GFRA2: variants seen among roughly 807,000 people sequenced by gnomAD.
GFRA2 encodes GDNF family receptor alpha 2.
Under a neutral mutation model 48.3 loss-of-function variants are expected in GFRA2, and 17 were observed. The ratio of observed to expected loss-of-function variants is 0.35; its 90% confidence interval spans 0.24 to 0.53. The LOEUF (loss-of-function observed/expected upper bound fraction) is 0.53, where lower values mean the gene tolerates loss of function less well. Ranked by LOEUF, GFRA2 falls within the 20% of genes least tolerant of loss-of-function variation. The pLI is 0.93. For missense variants in GFRA2, 660 were observed against 637.3 expected (o/e 1.04, Z -0.38); for synonymous variants, 305 against 257.2 (o/e 1.19, Z -1.78).
intron 3 of GFRA2, among the ~76,000 whole-genome samples, chr8:21,772,099 T>G (rs1806464029): frequency 6.6e-6 from 1 of 152,114 alleles, no homozygotes; most frequent in Non-Finnish European, 1.5e-5. Flanking sequence ...CCATTTTCTG[T>G]GTGCCTTGAT....
rs1375749286 is a variant in GFRA2 at position 21,750,001 on chromosome 8, G to T, written c.794+587C>A. On this transcript the variant is annotated intron_variant, in intron 4 of 8. Transcript: ENST00000524240. The surrounding 1 kb of genome is among the most constrained non-coding windows in gnomAD (Gnocchi z 5.7). ...TCATTATTAGGAAGGTAGTTTTGGG[G>T]GGTATGCATGGTTATACTGAGCTGA... Among the ~76,000 whole-genome samples the T allele has an allele frequency of 2.0e-5, 3 of 151,958 alleles. No individual in the cohort carries two copies. The highest frequency in any genetic ancestry group is 1.5e-5 in the Non-Finnish European group (1 of 67,992).
In GFRA2 at chr8:21,750,585, C is replaced by T; in HGVS notation, c.794+3G>A. Reference sequence around the variant, plus strand: ...GCACCACCGGGGCTGCCGCGGCACTCACCGACACAGGTGGTCAGTCCGGCA... The same window carrying T: ...GCACCACCGGGGCTGCCGCGGCACTTACCGACACAGGTGGTCAGTCCGGCA... On this transcript the variant is annotated splice_donor_region_variant and intron_variant, in intron 4 of 8. Transcript: ENST00000524240. The surrounding 1 kb of genome is among the most constrained non-coding windows in gnomAD (Gnocchi z 5.7). 2 of 1,580,740 alleles carry T rather than the reference C, an allele frequency of 1.3e-6. No homozygotes were observed. Among genetic ancestry groups the T allele is most frequent in the Non-Finnish European group, 8.6e-7 (1 of 1,158,554 alleles).
chr8:21,701,682 G>C (rs947692445), intron 7 of GFRA2, among the ~76,000 whole-genome samples: 5 of 152,204 alleles, frequency 3.3e-5, no homozygotes, highest in African/African-American at 1.2e-4. Flanking sequence ...CATGTATCAT[G>C]TCACATACAG....
chr8:21,752,910 A>C (rs1805368302), intron 3 of GFRA2, among the ~76,000 whole-genome samples: 1 of 151,998 alleles, frequency 6.6e-6, no homozygotes, highest in Non-Finnish European at 1.5e-5. Context: ...GACACTTCTC[A>C]CCACCGCCAC....
At chr8:21,707,648 G>C (rs965629887) in intron 4 of GFRA2, among the ~76,000 whole-genome samples, 2 of 152,190 alleles carry the variant, frequency 1.3e-5, no homozygotes, top group African/African-American at 4.8e-5. Context: ...CTCACTGGGA[G>C]ACCATGCCCA....
At chr8:21,768,117 C>A (rs991809821) in intron 3 of GFRA2, among the ~76,000 whole-genome samples, 3 of 152,224 alleles carry the variant, frequency 2.0e-5, no homozygotes, top group Non-Finnish European at 4.4e-5. Flanking sequence ...GTCCACCTCT[C>A]CTCGTCTCCA....
chr8:21,704,583 C>T (rs1802646643), intron 6 of GFRA2, among the ~76,000 whole-genome samples: 1 of 152,242 alleles, frequency 6.6e-6, no homozygotes, highest in African/African-American at 2.4e-5. Context: ...TGGCTAACCT[C>T]TCTCTGGCTT....
chr8:21,785,198 T>C (rs2117082139), intron 1 of GFRA2, among the ~76,000 whole-genome samples: 1 of 152,306 alleles, frequency 6.6e-6, no homozygotes, highest in East Asian at 1.9e-4. Flanking sequence ...GGACGCTTTT[T>C]TTGCTTGTCC....
rs375487687 is a variant in GFRA2, at chr8:21,747,310, C to T, written c.794+3278G>A. Among the ~76,000 whole-genome samples, 20 of 152,290 alleles carry T rather than the reference C, an allele frequency of 1.3e-4. 1 individual carries two copies. The highest frequency in any genetic ancestry group is 8.3e-4 in the South Asian group (4 of 4,832). ...CAAGCCTCCCCTTTATCCCAGCATCCAGGAAGCTCGGAGCTCAAGTTCAGT... is the reference window on the plus strand; with the variant it reads ...CAAGCCTCCCCTTTATCCCAGCATCTAGGAAGCTCGGAGCTCAAGTTCAGT... On this transcript the variant is annotated intron_variant, in intron 4 of 8. Coordinates refer to ENST00000524240, the MANE Select transcript of GFRA2 (RefSeq NM_001495.5).
chr8:21,773,200 G>A (rs1806519966), intron 3 of GFRA2, among the ~76,000 whole-genome samples: 1 of 152,238 alleles, frequency 6.6e-6, no homozygotes, highest in African/African-American at 2.4e-5. Context: ...CCTTGGCCAA[G>A]ACTTACCGTA....
chr8:21,726,750 A>ATTTT (rs35319026), intron 4 of GFRA2, among the ~76,000 whole-genome samples: 1 of 113,120 alleles, frequency 8.8e-6, no homozygotes, highest in Non-Finnish European at 1.9e-5. Flanking sequence ...CAAACACCCT[A>ATTTT]TTTTTTTTTT....
chr8:21,730,732 T>C lies in GFRA2; in HGVS notation c.794+19856A>G, dbSNP rs557757754. ...CAACGCTGGCAGAATGGCCACAGAA[T>C]GTACAGCCCTCAAGGTCCCACCTCC... On this transcript the variant is annotated intron_variant, in intron 4 of 8. Coordinates refer to ENST00000524240, the MANE Select transcript of GFRA2 (RefSeq NM_001495.5). 1.1e-4 allele frequency among the ~76,000 whole-genome samples: 17 copies of C among 152,268 alleles called. No individual in the cohort carries two copies. In the East Asian group the frequency reaches 2.9e-3, roughly 26 times the overall value.
rs112252411 is a variant in GFRA2, at chr8:21,705,736, T to C, written c.904+196A>G. ...CCCTGGGGCCCTCCTTCCCCCATGA[T>C]AAAGAGCTAGGTCCTCCGCCTTGTT... is the stretch of plus-strand genomic sequence containing the variant. On this transcript the variant is annotated intron_variant, in intron 5 of 8. Coordinates refer to ENST00000524240, the MANE Select transcript of GFRA2 (RefSeq NM_001495.5). 9.9e-3 allele frequency among the ~76,000 whole-genome samples: 1,502 copies of C among 152,272 alleles called. 20 individuals carry two copies. The highest frequency in any genetic ancestry group is 0.017 in the Middle Eastern group (5 of 294).
At chr8:21,756,634 T>C (rs1333668164) in intron 3 of GFRA2, among the ~76,000 whole-genome samples, 3 of 152,146 alleles carry the variant, frequency 2.0e-5, no homozygotes, top group African/African-American at 4.8e-5. Context: ...GAGTTCCCAC[T>C]GGGAAGAAGA....
rs939602493 is a variant in GFRA2 at position 21,782,709 on chromosome 8, C to T, written c.231G>A (p.Glu77=). The change falls in exon 2 of 9, where the codon GAG becomes GAA. Residue 77 remains glutamate, a synonymous_variant. Transcript: ENST00000524240. ...GCAAGACCTCCAAGGCCGCCTGGCA[C>T]TCCTTGTTGGCCAGCATGGTGTTGC... ...RDRNTMLANK[E]CQAALEVLQE... 5 of 1,596,000 alleles carry T rather than the reference C, an allele frequency of 3.1e-6. No individual in the cohort carries two copies. Among genetic ancestry groups the T allele is most frequent in the Non-Finnish European group, 4.3e-6 (5 of 1,171,870 alleles).
chr8:21,713,015 C>CGAGGGA (rs1188812476), intron 4 of GFRA2, among the ~76,000 whole-genome samples: 2 of 117,902 alleles, frequency 1.7e-5, no homozygotes, highest in Admixed American at 1.0e-4. Flanking sequence ...GAGAGGGAGA[C>CGAGGGA]GAGGGAGAGG....
Position 21,784,422 on chromosome 8 carries a change from C to T in GFRA2, c.41-1523G>A, listed in dbSNP as rs1563265655. The T allele has an allele frequency of 6.8e-6, 3 of 441,548 alleles. No homozygotes were observed. The Admixed American group carries it at 7.1e-5, about 10-fold the overall frequency. The allele number at this position is 441,548 out of a possible 1,614,324, so 27.4% of individuals were successfully genotyped here. On this transcript the variant is annotated intron_variant, in intron 1 of 8. Coordinates refer to ENST00000524240, the MANE Select transcript of GFRA2 (RefSeq NM_001495.5). ...TAAAATCCTAGGCCAGAAGTCCCCTCCTCAATACCGCAGAATTCCCCATCC... is the reference window on the plus strand; with the variant it reads ...TAAAATCCTAGGCCAGAAGTCCCCTTCTCAATACCGCAGAATTCCCCATCC...
intron 4 of GFRA2, among the ~76,000 whole-genome samples, chr8:21,745,656 C>T (rs1804969847): frequency 6.6e-6 from 1 of 152,202 alleles, no homozygotes; most frequent in Non-Finnish European, 1.5e-5. Context: ...AGCCATGACC[C>T]AGCTTCCTGC....
rs926708946 is a variant in GFRA2 at position 21,692,212 on chromosome 8, C to T, written c.*1066G>A. 1.7e-4 allele frequency: 26 copies of T among 152,180 alleles called. No homozygotes were observed. The highest frequency in any genetic ancestry group is 2.5e-4 in the Non-Finnish European group (17 of 67,974). 9.4% of individuals were successfully genotyped at this position (152,180 alleles called of 1,614,324 possible). On this transcript the variant is annotated 3_prime_UTR_variant, in exon 9 of 9. Transcript: ENST00000524240. ...CGCTCATCTGTTGGGGTATTATTTC[C>T]ATAGTTTTGTTGCTTAAAAAAAGGA... is the stretch of plus-strand genomic sequence containing the variant.
Sources: gnomAD v4.1 joint callset for allele counts (sites outside exome capture counted in the v4.1 genomes callset) on GRCh38, gnomAD v4.1.1 for gene constraint, Gnocchi (gnomAD v3.1) non-coding constraint, MANE v1.5 for transcripts, NCBI Gene and HGNC (gene_info 2026-07-23, HGNC 2026-07-21) for gene names.